INPP4B: variants seen among roughly 807,000 people sequenced by gnomAD.
INPP4B encodes inositol polyphosphate-4-phosphatase type II B.
A neutral mutation model predicts 122.5 loss-of-function variants in INPP4B; 55 were observed. The observed-to-expected ratio is 0.45, with a 90% CI of 0.36 to 0.56. The LOEUF is 0.56. Ranked by LOEUF, INPP4B falls within the 20% of genes least tolerant of loss-of-function variation. The probability of loss-of-function intolerance (pLI) is 0.00; values close to 1 mark genes in which losing one functional copy is unlikely to be tolerated. For missense variants in INPP4B, 1,000 were observed against 1,097.7 expected (o/e 0.91, Z 1.26); for synonymous variants, 403 against 388.7 (o/e 1.04, Z -0.43).
intron 9 of INPP4B, among the ~76,000 whole-genome samples, chr4:142,303,841 T>C (rs1762391479): frequency 6.6e-6 from 1 of 152,154 alleles, no homozygotes; most frequent in East Asian, 1.9e-4. Context: ...ATGAAATTTA[T>C]GTATTTCTTT....
intron 2 of INPP4B, among the ~76,000 whole-genome samples, chr4:142,663,268 C>A (rs1484638219): frequency 6.6e-6 from 1 of 152,136 alleles, no homozygotes; most frequent in Non-Finnish European, 1.5e-5. Flanking sequence ...AAAAAAGTTA[C>A]ATCTCTTTAA....
At chr4:142,521,534 A>T (rs1415073259) in intron 2 of INPP4B, among the ~76,000 whole-genome samples, 1 of 152,086 alleles carries the variant, frequency 6.6e-6, no homozygotes, top group Non-Finnish European at 1.5e-5. Context: ...TCTAACAGGC[A>T]TTAGCACTTT....
At chr4:142,709,983 A>G (rs1762914587) in intron 2 of INPP4B, among the ~76,000 whole-genome samples, 1 of 152,180 alleles carries the variant, frequency 6.6e-6, no homozygotes, top group South Asian at 2.1e-4. Context: ...ATATTACTTA[A>G]TACTATTTGT....
intron 1 of INPP4B, among the ~76,000 whole-genome samples, chr4:142,816,953 A>G (rs1254447491): frequency 2.0e-5 from 3 of 152,132 alleles, no homozygotes; most frequent in African/African-American, 4.8e-5. Context: ...TGGACCTCAC[A>G]ATGTGACCTT....
chr4:142,229,906 A>G (rs995812816), intron 12 of INPP4B, among the ~76,000 whole-genome samples: 8 of 152,336 alleles, frequency 5.3e-5, no homozygotes, highest in Admixed American at 5.2e-4. Context: ...AGATAGAGTC[A>G]TCCAAACTTT....
At chr4:142,557,609 T>G (rs998447925) in intron 2 of INPP4B, among the ~76,000 whole-genome samples, 3 of 152,148 alleles carry the variant, frequency 2.0e-5, no homozygotes, top group Non-Finnish European at 4.4e-5. Flanking sequence ...CACACTACAG[T>G]GCAAAACCTG....
intron 2 of INPP4B, among the ~76,000 whole-genome samples, chr4:142,586,849 G>A (rs965015304): frequency 3.3e-5 from 5 of 152,120 alleles, no homozygotes; most frequent in African/African-American, 1.2e-4. Flanking sequence ...AACTAGCCAG[G>A]AAAGAGGCAA....
At chr4:142,157,302 G>A (rs946224285) in intron 17 of INPP4B, among the ~76,000 whole-genome samples, 1 of 152,092 alleles carries the variant, frequency 6.6e-6, no homozygotes, top group South Asian at 2.1e-4. Flanking sequence ...TTTTATAAGG[G>A]ATTTCTATCC....
At position 142,183,714 on chromosome 4, in the gene INPP4B, A is replaced by G. The variant is rs190622811; in HGVS notation, c.1181+9373T>C. On this transcript the variant is annotated intron_variant, in intron 15 of 25. Coordinates refer to ENST00000262992, the MANE Select transcript of INPP4B (RefSeq NM_001101669.3). The stretch of plus-strand genomic sequence containing the variant: ...TCAGTGAATACTTCTGAGATAACAT[A>G]CTGTGTCATGGTTTAAAATGTTGTT... 2.7e-3 allele frequency among the ~76,000 whole-genome samples: 406 copies of G among 152,300 alleles called. 3 individuals are homozygous for G. Among genetic ancestry groups the G allele is most frequent in the Non-Finnish European group, 4.5e-3 (307 of 68,018 alleles).
At chr4:142,682,583 C>T (rs563134862) in intron 2 of INPP4B, among the ~76,000 whole-genome samples, 5 of 151,762 alleles carry the variant, frequency 3.3e-5, no homozygotes, top group Non-Finnish European at 7.4e-5. Context: ...ATACCTAAAA[C>T]AGTGTCACTT....
chr4:142,610,530 A>G (rs1262751374), intron 2 of INPP4B, among the ~76,000 whole-genome samples: 1 of 152,196 alleles, frequency 6.6e-6, no homozygotes, highest in Non-Finnish European at 1.5e-5. Flanking sequence ...TCAGAATAAA[A>G]TGACATTTAT....
chr4:142,468,575 GAGTA>G (rs1028615802), intron 2 of INPP4B, among the ~76,000 whole-genome samples: 3 of 151,922 alleles, frequency 2.0e-5, no homozygotes, highest in Non-Finnish European at 2.9e-5. Flanking sequence ...TCTCCGGGGA[GAGTA>G]AGTGAGTCCT....
chr4:142,531,506 C>T (rs890990278), intron 2 of INPP4B, among the ~76,000 whole-genome samples: 1 of 151,812 alleles, frequency 6.6e-6, no homozygotes, highest in Non-Finnish European at 1.5e-5. Flanking sequence ...AAAGCTGCCA[C>T]ATGTAGCTGC....
chr4:142,104,026 A>AAG (rs541734882), intron 23 of INPP4B, among the ~76,000 whole-genome samples: 81 of 152,300 alleles, frequency 5.3e-4, no homozygotes, highest in African/African-American at 1.9e-3. Flanking sequence ...CAGTGCTAGT[A>AAG]AGCTCACTCT....
intron 25 of INPP4B, among the ~76,000 whole-genome samples, chr4:142,056,071 G>T (rs1757535326): frequency 6.6e-6 from 1 of 151,778 alleles, no homozygotes; most frequent in African/African-American, 2.4e-5. Context: ...TTTGTAATAG[G>T]GTTTGAGTTC....
chr4:142,738,543 G>C (rs1270862181), intron 1 of INPP4B, among the ~76,000 whole-genome samples: 1 of 151,872 alleles, frequency 6.6e-6, no homozygotes, highest in Non-Finnish European at 1.5e-5. Context: ...ACACCAACAT[G>C]GCACATGTAT....
rs149979143 is a variant in INPP4B, at chr4:142,123,323, T to A, written c.1986A>T (p.Ile662=). The change falls in exon 20 of 26, where the codon ATA becomes ATT. Residue 662 remains isoleucine (I), a synonymous_variant. Coordinates refer to ENST00000262992, the MANE Select transcript of INPP4B (RefSeq NM_001101669.3). ...TACTTAGCAGTCCTTCATATTGTAC[T>A]ATCAACCCCACTGTGTGAAGCTGCT... ...FLQQLHTVGL[I]VQYEGLLSTY... 1.9e-5 allele frequency: 31 copies of A among 1,612,740 alleles called. No homozygotes were observed. Among genetic ancestry groups the A allele is most frequent in the East Asian group, 2.2e-5 (1 of 44,848 alleles).
intron 23 of INPP4B, among the ~76,000 whole-genome samples, chr4:142,096,656 C>A (rs147910342): frequency 1.3e-5 from 2 of 151,938 alleles, no homozygotes; most frequent in Admixed American, 1.3e-4. Flanking sequence ...CTTTTTAATG[C>A]TAAAAAAGCA....
intron 2 of INPP4B, among the ~76,000 whole-genome samples, chr4:142,533,044 C>T (rs927666729): frequency 3.3e-5 from 5 of 152,130 alleles, no homozygotes; most frequent in South Asian, 2.1e-4. Flanking sequence ...GTCAAAAATA[C>T]GGTCTCAGTT....
Sources: gnomAD v4.1 joint callset for allele counts (sites outside exome capture counted in the v4.1 genomes callset) on GRCh38, gnomAD v4.1.1 for gene constraint, MANE v1.5 for transcripts, NCBI Gene and HGNC (gene_info 2026-07-23, HGNC 2026-07-21) for gene names.